The following NBAS variants were observed in gnomAD, a reference collection of about 807,000 sequenced individuals.
The protein encoded by NBAS is NBAS subunit of NRZ tethering complex.
In NBAS, 219 loss-of-function variants were observed where a neutral mutation model predicts 302.5. That is an observed-to-expected ratio of 0.72 (90% CI 0.65 to 0.81). The LOEUF is 0.81. Among genes scored for constraint, NBAS ranks in the 30% least tolerant of loss-of-function variants. The pLI is 0.00. For missense variants in NBAS, 2,932 were observed against 2,841.6 expected, an observed-to-expected ratio of 1.03 and a Z score of -0.72; for synonymous variants, 1,118 against 1,021.6, an observed-to-expected ratio of 1.09 and a Z score of -1.80.
chr2:15,351,613 G>A (rs1673360382), intron 35 of NBAS, among the ~76,000 whole-genome samples: 1 of 150,750 alleles, frequency 6.6e-6, no homozygotes. Context: ...GGGAGGTGGA[G>A]GTTGCAGTGA....
the NBAS span, among the ~76,000 whole-genome samples, chr2:15,039,890 GAT>G: frequency 5.9e-5 from 9 of 152,210 alleles, no homozygotes; most frequent in African/African-American, 2.2e-4. Flanking sequence ...AGGGGGTGGG[GAT>G]GTCTCTGCAC....
intron 35 of NBAS, among the ~76,000 whole-genome samples, chr2:15,335,331 T>C (rs61337346): frequency 0.016 from 2,450 of 152,312 alleles, 73 homozygotes; most frequent in African/African-American, 0.056. Context: ...CCTGACATGC[T>C]GGTAATTATA....
At chr2:15,501,119 G>C (rs940725134) in intron 11 of NBAS, among the ~76,000 whole-genome samples, 1 of 151,768 alleles carries the variant, frequency 6.6e-6, no homozygotes, top group Non-Finnish European at 1.5e-5. Context: ...GGCTAACATG[G>C]TGAAACCTCA....
chr2:15,011,829 C>T, the NBAS span, among the ~76,000 whole-genome samples: 1 of 151,946 alleles, frequency 6.6e-6, no homozygotes. Flanking sequence ...GCTGAAGCAA[C>T]TACACAGAGA....
intron 48 of NBAS, among the ~76,000 whole-genome samples, chr2:15,209,412 G>A (rs1406711713): frequency 1.3e-5 from 2 of 151,800 alleles, no homozygotes; most frequent in Non-Finnish European, 2.9e-5. Context: ...AACAATAGAG[G>A]AGGAGGAAAT....
At chr2:15,319,003 A>G (rs11891389) in intron 38 of NBAS, among the ~76,000 whole-genome samples, 6,742 of 152,196 alleles carry the variant, frequency 0.044, 248 homozygotes, top group African/African-American at 0.097. Flanking sequence ...TGGAAGTAAA[A>G]CACTCCTCAG....
chr2:15,004,743 A>C, the NBAS span, among the ~76,000 whole-genome samples: 1 of 144,730 alleles, frequency 6.9e-6, no homozygotes, highest in Non-Finnish European at 1.5e-5. Flanking sequence ...TTCTGAACTC[A>C]AGCGATCCAC....
At chr2:15,353,776 AT>A in intron 33 of NBAS, 66 bp from the exon 34 acceptor site, 1 of 1,601,984 alleles carries the variant, frequency 6.2e-7, no homozygotes, top group Non-Finnish European at 8.5e-7. Context: ...AAGATGACAA[AT>A]GCAATGGCTT....
the NBAS span, among the ~76,000 whole-genome samples, chr2:14,803,184 C>T: frequency 6.6e-6 from 1 of 152,200 alleles, no homozygotes; most frequent in African/African-American, 2.4e-5. Context: ...ACCTAATGCT[C>T]CATGAAATCT....
At position 15,238,682 on chromosome 2, in the gene NBAS, G is replaced by T. The variant is rs1301727758; in HGVS notation, c.5729C>A (p.Ser1910Tyr). Residue 1910 changes from serine to tyrosine, a missense_variant, in exon 45 of 52, where the codon TCT becomes TAT. Ser to Tyr is a moderately radical substitution (Grantham distance 144). Transcript: ENST00000281513. ...TFSPKAVTKL[S>Y]VEARKEMTRK... ...AGTCATCTCTTTACGGGCTTCCACA[G>T]ACAGCTTAAAAAAAAGAATAGTGAG... 6 of 1,514,402 alleles carry T rather than the reference G, an allele frequency of 4.0e-6. No individual in the cohort carries two copies. Among genetic ancestry groups the T allele is most frequent in the Non-Finnish European group, 5.3e-6 (6 of 1,140,970 alleles). 93.8% of individuals were successfully genotyped at this position (1,514,402 alleles called of 1,614,324 possible). A position where few individuals can be genotyped will look rare whatever the true frequency, so the allele number is the denominator to read the frequency against.
chr2:14,815,055 G>C, the NBAS span, among the ~76,000 whole-genome samples: 3 of 152,136 alleles, frequency 2.0e-5, no homozygotes, highest in Admixed American at 1.3e-4. Context: ...CATCATGATT[G>C]TAAGTTTTCT....
At chr2:15,483,453 C>G (rs1680510209) in intron 12 of NBAS, 1 of 266,146 alleles carries the variant, frequency 3.8e-6, no homozygotes, top group Non-Finnish European at 7.9e-6. Flanking sequence ...TACAAATAGA[C>G]AAATAATAAA....
intron 48 of NBAS, among the ~76,000 whole-genome samples, chr2:15,206,326 C>G (rs1448681027): frequency 6.6e-6 from 1 of 151,954 alleles, no homozygotes; most frequent in Non-Finnish European, 1.5e-5. Context: ...AAAGTGTACA[C>G]TCATATGCAC....
At chr2:15,236,498 A>G (rs1169102366) in intron 45 of NBAS, among the ~76,000 whole-genome samples, 1 of 126,240 alleles carries the variant, frequency 7.9e-6, no homozygotes. Flanking sequence ...GCAGTGAGTG[A>G]GCCTGGGCAA....
chr2:15,483,442 G>A (rs2148602571), intron 12 of NBAS: 2 of 306,350 alleles, frequency 6.5e-6, no homozygotes, highest in South Asian at 3.0e-5. Context: ...GCCTGAAGAA[G>A]TACAAATAGA....
chr2:15,358,107 T>A (rs773795986), intron 32 of NBAS, among the ~76,000 whole-genome samples: 2 of 152,144 alleles, frequency 1.3e-5, no homozygotes, highest in African/African-American at 2.4e-5. Context: ...AGTGACCCAT[T>A]ATTTAAGGTA....
chr2:15,280,589 C>G (rs776100136), intron 42 of NBAS, among the ~76,000 whole-genome samples: 11 of 152,190 alleles, frequency 7.2e-5, no homozygotes, highest in African/African-American at 2.7e-4. Flanking sequence ...GAGATGGAGA[C>G]TGATTCTGAG....
the NBAS span, among the ~76,000 whole-genome samples, chr2:14,884,572 G>A: frequency 0.092 from 13,935 of 152,154 alleles, 1,027 homozygotes; most frequent in African/African-American, 0.2. Context: ...ACCTGGCATG[G>A]TTTTGTATTT....
the NBAS span, among the ~76,000 whole-genome samples, chr2:15,065,639 T>A: frequency 6.6e-6 from 1 of 151,958 alleles, no homozygotes; most frequent in Non-Finnish European, 1.5e-5. Flanking sequence ...TTATTTATAG[T>A]AACAACAAAT....
Sources: allele counts gnomAD v4.1 joint callset (sites outside exome capture counted in the v4.1 genomes callset), GRCh38; gene constraint gnomAD v4.1.1; transcripts MANE v1.5; gene names NCBI Gene and HGNC (gene_info 2026-07-23, HGNC 2026-07-21).